PUM1: variants seen among roughly 807,000 people sequenced by gnomAD.
PUM1 encodes the protein pumilio homolog 1.
PUM1 carries 13 observed loss-of-function variants against 131.8 expected under a neutral mutation model. The ratio of observed to expected loss-of-function variants is 0.10; its 90% CI spans 0.06 to 0.16. The LOEUF (loss-of-function observed/expected upper bound fraction) is 0.16, where lower values mean the gene tolerates loss of function less well. Among genes scored for constraint, PUM1 ranks in the 10% least tolerant of loss-of-function variants. The pLI, the probability that PUM1 is intolerant of heterozygous loss-of-function variation, is 1.00. For synonymous variants in PUM1, 509 were observed against 556.5 expected, an observed-to-expected ratio of 0.91 and a Z score of 1.20; for missense variants, 961 against 1,512.4, an observed-to-expected ratio of 0.64 and a Z score of 6.05.
chr1:31,020,096 A>G (rs1318007984), intron 3 of PUM1, among the ~76,000 whole-genome samples: 5 of 152,036 alleles, frequency 3.3e-5, no homozygotes, highest in Non-Finnish European at 7.4e-5. Context: ...CTCAGGGTCT[A>G]CTGTTCCCTT....
chr1:31,055,526 A>G (rs1410268208), intron 2 of PUM1: 2 of 363,388 alleles, frequency 5.5e-6, no homozygotes, highest in East Asian at 1.6e-4. Flanking sequence ...TATACCAACT[A>G]CCCTGAGTTC....
intron 8 of PUM1, 121 bp from the exon 9 acceptor site, chr1:30,980,284 G>C: frequency 1.3e-6 from 1 of 776,938 alleles, no homozygotes; most frequent in Non-Finnish European, 2.2e-6. Flanking sequence ...AAAAAGAGAA[G>C]ACGGGACAGG....
chr1:31,062,949 C>T (rs1644401570), intron 1 of PUM1, among the ~76,000 whole-genome samples: 1 of 152,182 alleles, frequency 6.6e-6, no homozygotes, highest in Non-Finnish European at 1.5e-5. Flanking sequence ...GTTAAGAATT[C>T]CAATCCATCA....
chr1:31,056,183 T>C (rs141504666), intron 2 of PUM1, among the ~76,000 whole-genome samples: 1 of 152,320 alleles, frequency 6.6e-6, no homozygotes, highest in East Asian at 1.9e-4. Context: ...AGGCACTCTG[T>C]ACTTTTCCTC....
chr1:30,967,827 A>G (rs1640686325), intron 11 of PUM1, among the ~76,000 whole-genome samples: 1 of 152,244 alleles, frequency 6.6e-6, no homozygotes. Flanking sequence ...ATCTAATCCC[A>G]TGCAAAGCAC....
intron 2 of PUM1, among the ~76,000 whole-genome samples, chr1:31,036,245 A>AT (rs1339060257): frequency 6.6e-6 from 1 of 151,898 alleles, no homozygotes; most frequent in Admixed American, 6.6e-5. Context: ...AATTTTTTGT[A>AT]TTTTTTAGTA....
At chr1:30,969,247 T>C (rs557654127) in intron 10 of PUM1, among the ~76,000 whole-genome samples, 1 of 138,836 alleles carries the variant, frequency 7.2e-6, no homozygotes, top group Admixed American at 8.3e-5. Flanking sequence ...GAGGTTGCAG[T>C]GAGCTGAGAT....
chr1:30,933,428 T>TCACACACACATACA, intron 21 of PUM1, 86 bp from the exon 22 acceptor site: 1 of 950,314 alleles, frequency 1.1e-6, no homozygotes, highest in South Asian at 1.4e-5. Flanking sequence ...ATGTCATGCA[T>TCACACACACATACA]CACACACACA....
rs1306313013 is a variant in PUM1, at chr1:30,981,669, T to C, written c.1159-264A>G. On this transcript the variant is annotated intron_variant, in intron 7 of 21. Coordinates refer to ENST00000426105, the MANE Select transcript of PUM1 (RefSeq NM_001020658.2). ...GATTATATGTCCCCTGAACCACAAATACACACTCTCTCACACACACACACA... is the reference window on the plus strand; with the variant it reads ...GATTATATGTCCCCTGAACCACAAACACACACTCTCTCACACACACACACA... 7.2e-5 allele frequency among the ~76,000 whole-genome samples: 6 copies of C among 83,568 alleles called. No individual in the cohort carries two copies. The East Asian group carries it at 2.6e-3, about 36-fold the overall frequency. 54.8% of individuals were successfully genotyped at this position (83,568 alleles called of 152,430 possible).
At chr1:31,037,563 A>G (rs1643652925) in intron 2 of PUM1, among the ~76,000 whole-genome samples, 1 of 152,032 alleles carries the variant, frequency 6.6e-6, no homozygotes, top group African/African-American at 2.4e-5. Flanking sequence ...TACTAAAAAT[A>G]CAAAAAATTA....
intron 18 of PUM1, among the ~76,000 whole-genome samples, chr1:30,943,984 T>C (rs920037757): frequency 1.3e-5 from 2 of 152,252 alleles, no homozygotes; most frequent in African/African-American, 2.4e-5. Context: ...AGAGGTTCTT[T>C]ATACATTCTA....
At chr1:30,934,866 T>C (rs1037550231) in intron 21 of PUM1, among the ~76,000 whole-genome samples, 2 of 152,214 alleles carry the variant, frequency 1.3e-5, no homozygotes, top group Non-Finnish European at 2.9e-5. Flanking sequence ...TTGAACTCCA[T>C]TTTTTATTGG....
rs1304689765 is a variant in PUM1 at position 30,941,278 on chromosome 1, T to A, written c.3121-6A>T. 6.2e-7 allele frequency: 1 copy of A among 1,609,092 alleles called. No individual in the cohort carries two copies. The highest frequency in any genetic ancestry group is 1.7e-5 in the Admixed American group (1 of 59,616). ...ACATAATTTCCATATTGATCCTGTTTGAGAAACAGTAAGAGAAATAAAATG... is the reference window on the plus strand; with the variant it reads ...ACATAATTTCCATATTGATCCTGTTAGAGAAACAGTAAGAGAAATAAAATG... On this transcript the variant is annotated splice_polypyrimidine_tract_variant and splice_region_variant and intron_variant, in intron 19 of 21. Transcript: ENST00000426105.
At chr1:30,934,147 T>G (rs944469551) in intron 21 of PUM1, among the ~76,000 whole-genome samples, 1 of 152,208 alleles carries the variant, frequency 6.6e-6, no homozygotes, top group Non-Finnish European at 1.5e-5. Context: ...CCTGGGCTGA[T>G]CATTTCAAGA....
chr1:31,005,597 GTTC>G, intron 5 of PUM1, among the ~76,000 whole-genome samples: 1 of 152,066 alleles, frequency 6.6e-6, no homozygotes, highest in South Asian at 2.1e-4. Flanking sequence ...CCAGATTTCA[GTTC>G]TTATCTCACA....
intron 18 of PUM1, among the ~76,000 whole-genome samples, chr1:30,944,635 C>T (rs1322228537): frequency 6.6e-6 from 1 of 152,166 alleles, no homozygotes; most frequent in African/African-American, 2.4e-5. Flanking sequence ...AAGCAAAAAG[C>T]ACCTTGTTAT....
chr1:30,959,237 A>T (rs1232694752), intron 14 of PUM1, among the ~76,000 whole-genome samples: 3 of 152,228 alleles, frequency 2.0e-5, no homozygotes, highest in African/African-American at 7.2e-5. Flanking sequence ...TCTTCCAGAA[A>T]ACAGAGAGGG....
intron 14 of PUM1, among the ~76,000 whole-genome samples, chr1:30,961,347 A>C (rs1010216094): frequency 6.6e-4 from 57 of 86,754 alleles, no homozygotes; most frequent in African/African-American, 2.5e-3. Context: ...TAGTTTCTAC[A>C]AAAAAAAAAA....
intron 2 of PUM1, 99 bp from the exon 3 acceptor site, chr1:31,028,963 A>T: frequency 2.2e-6 from 2 of 930,184 alleles, no homozygotes; most frequent in Non-Finnish European, 3.5e-6. Flanking sequence ...GTTTACTTTC[A>T]GACATTGGCA....
Sources: allele counts gnomAD v4.1 joint callset (sites outside exome capture counted in the v4.1 genomes callset), GRCh38; gene constraint gnomAD v4.1.1; transcripts MANE v1.5; gene names NCBI Gene and HGNC (gene_info 2026-07-23, HGNC 2026-07-21).